The following TRHDE variants were observed in gnomAD, a reference collection of about 807,000 sequenced individuals.
TRHDE encodes thyrotropin releasing hormone degrading enzyme, also known as thyrotropin-releasing hormone-degrading ectoenzyme.
A neutral mutation model predicts 125.7 loss-of-function variants in TRHDE; 72 were observed. The ratio of observed to expected loss-of-function variants is 0.57; its 90% CI spans 0.47 to 0.70. The LOEUF is 0.70. Ranked by LOEUF, TRHDE falls within the 30% of genes least tolerant of loss-of-function variation. The pLI is 0.00. For synonymous variants in TRHDE, 509 were observed against 509.1 expected (o/e 1.00, Z 0.00); for missense variants, 1,110 against 1,327.1 (o/e 0.84, Z 2.54).
chr12:72,105,344 A>T (rs1368646312), intron 1 of TRHDE, among the ~76,000 whole-genome samples: 2 of 152,148 alleles, frequency 1.3e-5, no homozygotes, highest in Non-Finnish European at 2.9e-5. Flanking sequence ...CAGATAAGTG[A>T]TGCTAAGTGA....
intron 2 of TRHDE, among the ~76,000 whole-genome samples, chr12:72,307,093 A>G (rs1868352825): frequency 6.6e-6 from 1 of 152,032 alleles, no homozygotes; most frequent in African/African-American, 2.4e-5. Flanking sequence ...AGGGACATTT[A>G]GTTTTTGTCT....
At chr12:72,222,051 G>T (rs1046053388) in intron 2 of TRHDE, among the ~76,000 whole-genome samples, 3 of 152,060 alleles carry the variant, frequency 2.0e-5, no homozygotes, top group African/African-American at 7.2e-5. Flanking sequence ...TTACATCGTG[G>T]TCGAAGGCTT....
Position 72,486,280 on chromosome 12 carries a change from G to T in TRHDE, c.1584+13100G>T, listed in dbSNP as rs147344354. Among the ~76,000 whole-genome samples the T allele has an allele frequency of 4.6e-5, 7 of 152,226 alleles. No individual in the cohort carries two copies. In the East Asian group the frequency reaches 9.7e-4, roughly 21 times the overall value. ...AGTGAAGCTGCACCTCAAGTCCCAG[G>T]TGCTATAATAGTTAGTTTTACAAGA... is the stretch of plus-strand genomic sequence containing the variant. On this transcript the variant is annotated intron_variant, in intron 5 of 18. Coordinates refer to ENST00000261180, the MANE Select transcript of TRHDE (RefSeq NM_013381.3).
intron 3 of TRHDE, among the ~76,000 whole-genome samples, chr12:72,387,217 C>G (rs1458690653): frequency 6.6e-6 from 1 of 152,170 alleles, no homozygotes; most frequent in Non-Finnish European, 1.5e-5. Context: ...AAACCACCAT[C>G]ATTTGGATAT....
rs576107845 is a variant in TRHDE, at chr12:72,120,132, T to C, written n.279+14380T>C. The stretch of plus-strand genomic sequence containing the variant: ...CAGTGGTGATCTTGGCTCACTGCAA[T>C]CCCCACCTCCTGGGTTCAAGTGATT... On this transcript the variant is annotated intron_variant and non_coding_transcript_variant, in intron 2 of 4. Coordinates refer to the TRHDE transcript ENST00000548156. Among the ~76,000 whole-genome samples, 208 of 151,698 alleles carry C rather than the reference T, an allele frequency of 1.4e-3. 1 individual carries two copies. Among genetic ancestry groups the C allele is most frequent in the African/African-American group, 4.6e-3 (190 of 41,418 alleles).
intron 12 of TRHDE, among the ~76,000 whole-genome samples, chr12:72,593,709 C>A (rs1161011092): frequency 6.6e-6 from 1 of 152,100 alleles, no homozygotes; most frequent in African/African-American, 2.4e-5. Flanking sequence ...TGTTCCCCAC[C>A]CTGTGTCCAT....
chr12:72,448,429 A>G (rs1477708266), intron 3 of TRHDE, among the ~76,000 whole-genome samples: 3 of 152,074 alleles, frequency 2.0e-5, no homozygotes, highest in South Asian at 2.1e-4. Flanking sequence ...AAAACATACT[A>G]TGTAACAATT....
intron 2 of TRHDE, among the ~76,000 whole-genome samples, chr12:72,288,623 T>A (rs1470067428): frequency 6.6e-6 from 1 of 152,158 alleles, no homozygotes; most frequent in African/African-American, 2.4e-5. Flanking sequence ...AGTTGATGAT[T>A]GACTTGCTGT....
At chr12:72,533,723 G>GTTTTTTTTTTTTTTTTTTTTTT in intron 6 of TRHDE, among the ~76,000 whole-genome samples, 3 of 97,890 alleles carry the variant, frequency 3.1e-5, no homozygotes, top group African/African-American at 7.1e-5. Context: ...TTTTCTATTT[G>GTTTTTTTTTTTTTTTTTTTTTT]TTTTTTTTTT....
At chr12:72,171,716 G>T (rs2139335701) in intron 2 of TRHDE, among the ~76,000 whole-genome samples, 1 of 152,338 alleles carries the variant, frequency 6.6e-6, no homozygotes, top group East Asian at 1.9e-4. Context: ...CAAGGCCACT[G>T]CCTTTGGGAT....
intron 17 of TRHDE, among the ~76,000 whole-genome samples, chr12:72,654,546 C>G (rs2136111747): frequency 6.6e-6 from 1 of 152,252 alleles, no homozygotes; most frequent in East Asian, 1.9e-4. Context: ...CTGCCTTTCT[C>G]CCTGTGATGG....
intron 2 of TRHDE, among the ~76,000 whole-genome samples, chr12:72,331,328 A>G (rs753358362): frequency 2.0e-5 from 3 of 152,176 alleles, no homozygotes; most frequent in Non-Finnish European, 4.4e-5. Flanking sequence ...CTTGAGTCAT[A>G]TTTTTGACCT....
At chr12:72,638,180 G>T (rs1217217887) in intron 15 of TRHDE, among the ~76,000 whole-genome samples, 6 of 147,328 alleles carry the variant, frequency 4.1e-5, no homozygotes, top group East Asian at 2.0e-4. Context: ...TTATGAATCT[G>T]GGTGCTCCTG....
chr12:72,204,274 C>T (rs1565662025), intron 2 of TRHDE, among the ~76,000 whole-genome samples: 1 of 152,068 alleles, frequency 6.6e-6, no homozygotes, highest in Non-Finnish European at 1.5e-5. Flanking sequence ...TTGATACTCT[C>T]GTCCACATTT....
At chr12:72,551,088 A>G (rs537479971) in intron 7 of TRHDE, among the ~76,000 whole-genome samples, 16 of 152,220 alleles carry the variant, frequency 1.1e-4, no homozygotes, top group African/African-American at 3.6e-4. Flanking sequence ...AAATAAAAGT[A>G]ACAAACTATA....
In TRHDE at chr12:72,543,961, T is replaced by C. The variant is rs150008213; in HGVS notation, c.1788+1605T>C. Among the ~76,000 whole-genome samples, 431 of 151,366 alleles carry C rather than the reference T, an allele frequency of 2.8e-3. 2 individuals are homozygous for C. Among genetic ancestry groups the C allele is most frequent in the African/African-American group, 9.9e-3 (411 of 41,420 alleles). ...CAGTTAGAATATAGCCTCTGACTCA[T>C]ATCATATTAAACTTTCATTCCAAGC... On this transcript the variant is annotated intron_variant, in intron 7 of 18. Coordinates refer to ENST00000261180, the MANE Select transcript of TRHDE (RefSeq NM_013381.3).
chr12:72,516,898 A>G (rs981203208), intron 6 of TRHDE, among the ~76,000 whole-genome samples: 9 of 152,118 alleles, frequency 5.9e-5, no homozygotes, highest in Non-Finnish European at 1.0e-4. Context: ...ATCTATTGAG[A>G]TAATCATGTG....
intron 1 of TRHDE, among the ~76,000 whole-genome samples, chr12:72,098,774 C>A (rs927674223): frequency 6.6e-6 from 1 of 152,204 alleles, no homozygotes; most frequent in Non-Finnish European, 1.5e-5. Context: ...GGCCATCTTG[C>A]ACCTCCCAGC....
At chr12:72,462,672 G>A (rs376873633) in intron 3 of TRHDE, among the ~76,000 whole-genome samples, 1 of 152,086 alleles carries the variant, frequency 6.6e-6, no homozygotes, top group African/African-American at 2.4e-5. Flanking sequence ...TTGATGTTTC[G>A]CTTAGATACT....
Sources: gnomAD v4.1 joint callset for allele counts (sites outside exome capture counted in the v4.1 genomes callset) on GRCh38, gnomAD v4.1.1 for gene constraint, MANE v1.5 for transcripts, NCBI Gene and HGNC (gene_info 2026-07-23, HGNC 2026-07-21) for gene names.